NOVA1: variants seen among roughly 807,000 people sequenced by gnomAD.
NOVA1 encodes the protein NOVA alternative splicing regulator 1.
A neutral mutation model predicts 38.0 loss-of-function variants in NOVA1; 7 were observed. The ratio of observed to expected loss-of-function variants is 0.18; its 90% confidence interval spans 0.10 to 0.35. NOVA1 has a LOEUF of 0.35. NOVA1 is among the 10% of genes least tolerant of loss of function. The pLI is 1.00. For missense variants in NOVA1, 460 were observed against 616.0 expected (o/e 0.75, Z 2.68); for synonymous variants, 270 against 232.5 (o/e 1.16, Z -1.47).
intron 2 of NOVA1, among the ~76,000 whole-genome samples, chr14:26,508,947 T>C (rs1000233997): frequency 2.0e-5 from 3 of 151,912 alleles, no homozygotes; most frequent in African/African-American, 4.8e-5. Context: ...AATGAACTTG[T>C]AGTAAATATT....
At chr14:26,583,540 T>C (rs1893342801) in intron 2 of NOVA1, among the ~76,000 whole-genome samples, 1 of 151,564 alleles carries the variant, frequency 6.6e-6, no homozygotes, top group African/African-American at 2.4e-5. Flanking sequence ...TGTTCAATTT[T>C]TTAATGTTTC....
At chr14:26,516,273 G>A (rs554507397) in intron 2 of NOVA1, among the ~76,000 whole-genome samples, 1 of 152,174 alleles carries the variant, frequency 6.6e-6, no homozygotes, top group South Asian at 2.1e-4. Context: ...GGCATTCTAT[G>A]CATACTGTAT....
chr14:26,453,069 C>A (rs534916443), intron 4 of NOVA1, among the ~76,000 whole-genome samples: 1 of 152,184 alleles, frequency 6.6e-6, no homozygotes, highest in African/African-American at 2.4e-5. Context: ...TTTTTCACAA[C>A]CAAGTATTTC....
At chr14:26,515,483 C>A (rs1041863462) in intron 2 of NOVA1, among the ~76,000 whole-genome samples, 2 of 152,054 alleles carry the variant, frequency 1.3e-5, no homozygotes, top group African/African-American at 2.4e-5. Flanking sequence ...CTATACTAAT[C>A]AATTTGTTCA....
intron 2 of NOVA1, among the ~76,000 whole-genome samples, chr14:26,558,111 C>T (rs557150545): frequency 1.3e-5 from 2 of 151,642 alleles, no homozygotes; most frequent in African/African-American, 4.8e-5. Context: ...ACCAAGGGTG[C>T]CTCGGAGGGA....
intron 2 of NOVA1, among the ~76,000 whole-genome samples, chr14:26,490,229 T>A (rs1886232462): frequency 6.6e-6 from 1 of 152,234 alleles, no homozygotes; most frequent in South Asian, 2.1e-4. Context: ...GCATGTTACA[T>A]ACCATATTTT....
chr14:26,506,748 T>C (rs2138432062), intron 2 of NOVA1, among the ~76,000 whole-genome samples: 1 of 152,080 alleles, frequency 6.6e-6, no homozygotes, highest in East Asian at 1.9e-4. Flanking sequence ...CCCAGCTAAT[T>C]TTTGTATTTT....
At chr14:26,542,002 T>C (rs942604065) in intron 2 of NOVA1, among the ~76,000 whole-genome samples, 1 of 151,928 alleles carries the variant, frequency 6.6e-6, no homozygotes, top group Non-Finnish European at 1.5e-5. Flanking sequence ...AGAATATCCA[T>C]TCACTAAGAT....
At chr14:26,496,566 C>T (rs181704994) in intron 2 of NOVA1, among the ~76,000 whole-genome samples, 1 of 152,174 alleles carries the variant, frequency 6.6e-6, no homozygotes, top group Admixed American at 6.5e-5. Flanking sequence ...GAAGTCCTTG[C>T]CCATGCCTAT....
chr14:26,543,157 C>T (rs1189348332), intron 2 of NOVA1, among the ~76,000 whole-genome samples: 1 of 151,886 alleles, frequency 6.6e-6, no homozygotes, highest in Non-Finnish European at 1.5e-5. Context: ...ATTCCCCATA[C>T]ATATGTACAA....
intron 2 of NOVA1, among the ~76,000 whole-genome samples, chr14:26,541,228 C>T (rs1314109326): frequency 1.3e-5 from 2 of 151,972 alleles, no homozygotes; most frequent in African/African-American, 2.4e-5. Context: ...CAAAGAGACG[C>T]ATAAAAACCA....
chr14:26,483,504 G>A (rs1044905197), intron 2 of NOVA1, among the ~76,000 whole-genome samples: 1 of 152,140 alleles, frequency 6.6e-6, no homozygotes, highest in African/African-American at 2.4e-5. Flanking sequence ...AAAATCATCA[G>A]ATGAAAGGTT....
At chr14:26,543,112 G>A (rs1444858222) in intron 2 of NOVA1, among the ~76,000 whole-genome samples, 3 of 151,856 alleles carry the variant, frequency 2.0e-5, no homozygotes, top group East Asian at 3.9e-4. Flanking sequence ...TGATTTGATC[G>A]TTACGCATTG....
At chr14:26,557,219 G>A (rs781155768) in intron 2 of NOVA1, among the ~76,000 whole-genome samples, 1 of 152,104 alleles carries the variant, frequency 6.6e-6, no homozygotes, top group Admixed American at 6.5e-5. Flanking sequence ...TGGGGACATA[G>A]TATCTCCTTA....
intron 2 of NOVA1, among the ~76,000 whole-genome samples, chr14:26,493,685 A>G (rs1196666652): frequency 6.6e-6 from 1 of 152,096 alleles, no homozygotes; most frequent in Non-Finnish European, 1.5e-5. Flanking sequence ...GTGAGGACAG[A>G]TGACTGGCTC....
chr14:26,532,881 A>G (rs1459677464), intron 2 of NOVA1, among the ~76,000 whole-genome samples: 1 of 152,202 alleles, frequency 6.6e-6, no homozygotes, highest in Non-Finnish European at 1.5e-5. Flanking sequence ...ATGTACTAAA[A>G]ACATCATAAA....
At chr14:26,545,318 A>G (rs1393138195) in intron 2 of NOVA1, among the ~76,000 whole-genome samples, 2 of 152,076 alleles carry the variant, frequency 1.3e-5, no homozygotes, top group Non-Finnish European at 2.9e-5. Context: ...TAGAAAGCAA[A>G]GCCTGACAGA....
intron 2 of NOVA1, among the ~76,000 whole-genome samples, chr14:26,500,582 CA>C (rs1887180432): frequency 6.6e-6 from 1 of 151,148 alleles, no homozygotes; most frequent in African/African-American, 2.4e-5. Context: ...GTAAAAAGTT[CA>C]AGGGGAATAT....
intron 2 of NOVA1, among the ~76,000 whole-genome samples, chr14:26,533,118 A>C (rs1296018295): frequency 2.0e-5 from 3 of 152,234 alleles, no homozygotes; most frequent in Non-Finnish European, 2.9e-5. Context: ...ATCACGTCTG[A>C]AATAAAGACA....
Sources: gnomAD v4.1 joint callset for allele counts (sites outside exome capture counted in the v4.1 genomes callset) on GRCh38, gnomAD v4.1.1 for gene constraint, MANE v1.5 for transcripts, NCBI Gene and HGNC (gene_info 2026-07-23, HGNC 2026-07-21) for gene names.